The following DAB1 variants were observed in gnomAD, a reference collection of about 807,000 sequenced individuals.
DAB1 encodes DAB adaptor protein 1, also known as disabled homolog 1.
DAB1 carries 15 observed loss-of-function variants against 64.6 expected under a neutral mutation model. The observed-to-expected ratio is 0.23, with a 90% CI of 0.16 to 0.36. DAB1 has a LOEUF of 0.36. Ranked by LOEUF, DAB1 falls within the 10% of genes least tolerant of loss-of-function variation. The pLI, the probability that DAB1 is intolerant of heterozygous loss-of-function variation, is 1.00. For missense variants in DAB1, 596 were observed against 706.7 expected, an observed-to-expected ratio of 0.84 and a Z score of 1.78; for synonymous variants, 235 against 251.9, an observed-to-expected ratio of 0.93 and a Z score of 0.64.
intron 9 of DAB1, among the ~76,000 whole-genome samples, chr1:57,037,713 A>G (rs978711841): frequency 6.6e-6 from 1 of 152,210 alleles, no homozygotes; most frequent in Non-Finnish European, 1.5e-5. Flanking sequence ...AGTTTATGCT[A>G]TGCTCTTTAT....
chr1:58,522,240 G>C (rs1235677615), intron 2 of DAB1, among the ~76,000 whole-genome samples: 1 of 152,094 alleles, frequency 6.6e-6, no homozygotes, highest in Non-Finnish European at 1.5e-5. Context: ...GTGATGAGTT[G>C]ATCTGTGCAG....
intron 3 of DAB1, among the ~76,000 whole-genome samples, chr1:58,479,516 G>C (rs931264417): frequency 2.0e-5 from 3 of 152,168 alleles, no homozygotes; most frequent in Non-Finnish European, 4.4e-5. Flanking sequence ...TCACAGGCAG[G>C]GGGAGAGGTT....
In DAB1 at chr1:58,045,736, T is replaced by A. The variant is rs1003727679; in HGVS notation, n.387+104775A>T. Among the ~76,000 whole-genome samples the A allele has an allele frequency of 4.9e-4, 74 of 152,166 alleles. 1 individual carries two copies. The highest frequency in any genetic ancestry group is 1.3e-3 in the Admixed American group (20 of 15,276). On this transcript the variant is annotated intron_variant and non_coding_transcript_variant, in intron 5 of 20. Transcript: ENST00000485760. ...CCTTTCTTCCCTTGCATCTTTGTTT[T>A]CATCTCCATCCTTCTCTTGCCTCCT...
intron 4 of DAB1, among the ~76,000 whole-genome samples, chr1:57,134,836 T>C (rs981575056): frequency 6.6e-6 from 1 of 152,170 alleles, no homozygotes; most frequent in African/African-American, 2.4e-5. Flanking sequence ...TTTTCTGTCC[T>C]TGCTGTCTTC....
chr1:58,370,436 A>T (rs1240646287), intron 3 of DAB1, among the ~76,000 whole-genome samples: 3 of 151,148 alleles, frequency 2.0e-5, no homozygotes, highest in African/African-American at 7.3e-5. Flanking sequence ...GGCATTTTTT[A>T]AAATGGAATT....
In DAB1 at chr1:58,226,839, C is replaced by A. The variant is rs1193350144; in HGVS notation, n.310-76251G>T. Among the ~76,000 whole-genome samples the A allele has an allele frequency of 1.3e-5, 2 of 152,120 alleles. 1 individual carries two copies. Among genetic ancestry groups the A allele is most frequent in the Non-Finnish European group, 2.9e-5 (2 of 68,028 alleles). On this transcript the variant is annotated intron_variant and non_coding_transcript_variant, in intron 4 of 20. Transcript: ENST00000485760. ...TGGATTTGAACCCAGGCAATCTGACCCCACAGAACTTAACAGTGTCATCCT... is the reference window on the plus strand; with the variant it reads ...TGGATTTGAACCCAGGCAATCTGACACCACAGAACTTAACAGTGTCATCCT...
intron 6 of DAB1, among the ~76,000 whole-genome samples, chr1:57,698,266 T>A (rs1646868752): frequency 6.6e-6 from 1 of 151,424 alleles, no homozygotes; most frequent in African/African-American, 2.4e-5. Context: ...TTAAACATTT[T>A]TTTTTTTTTT....
intron 7 of DAB1, among the ~76,000 whole-genome samples, chr1:57,603,076 G>A (rs759585892): frequency 7.9e-5 from 12 of 152,142 alleles, no homozygotes; most frequent in Non-Finnish European, 1.3e-4. Context: ...GGGTTCAAGC[G>A]AGTCTCCTGC....
intron 7 of DAB1, among the ~76,000 whole-genome samples, chr1:57,561,085 C>T (rs1473252053): frequency 6.6e-6 from 1 of 152,190 alleles, no homozygotes; most frequent in African/African-American, 2.4e-5. Context: ...AAGTAAGTTA[C>T]ATGAGGAAGT....
intron 7 of DAB1, among the ~76,000 whole-genome samples, chr1:57,452,503 A>G (rs1045836470): frequency 2.0e-5 from 3 of 152,082 alleles, no homozygotes; most frequent in South Asian, 2.1e-4. Flanking sequence ...GCCCTAAGTC[A>G]CCCAGTTGGG....
At chr1:58,189,288 T>A (rs1365603086) in intron 4 of DAB1, among the ~76,000 whole-genome samples, 1 of 152,196 alleles carries the variant, frequency 6.6e-6, no homozygotes, top group Non-Finnish European at 1.5e-5. Context: ...AAAATAGCAG[T>A]CCAGATTTGT....
chr1:58,330,099 T>A (rs1342631557), intron 4 of DAB1, among the ~76,000 whole-genome samples: 1 of 152,188 alleles, frequency 6.6e-6, no homozygotes, highest in Non-Finnish European at 1.5e-5. Context: ...TACTTGTGAA[T>A]GCAAAGGAAA....
intron 4 of DAB1, among the ~76,000 whole-genome samples, chr1:57,092,340 T>C (rs1421388754): frequency 4.6e-5 from 7 of 152,124 alleles, no homozygotes; most frequent in Admixed American, 4.6e-4. Flanking sequence ...CATCTCCAAT[T>C]GTAATCCCCA....
At chr1:58,305,976 GCACCCCCC>G (rs1215945081) in intron 4 of DAB1, among the ~76,000 whole-genome samples, 1 of 151,930 alleles carries the variant, frequency 6.6e-6, no homozygotes, top group Admixed American at 6.6e-5. Flanking sequence ...TGTGACAGGA[GCACCCCCC>G]CACCCCCCTC....
At chr1:57,696,476 G>A (rs1375289959) in intron 6 of DAB1, among the ~76,000 whole-genome samples, 2 of 152,154 alleles carry the variant, frequency 1.3e-5, no homozygotes, top group Admixed American at 6.6e-5. Context: ...GGTTTGGGAC[G>A]ATCACTGAAT....
chr1:57,309,997 A>G (rs1012469746), intron 1 of DAB1, among the ~76,000 whole-genome samples: 2 of 152,198 alleles, frequency 1.3e-5, no homozygotes, highest in African/African-American at 4.8e-5. Flanking sequence ...CCGCCACTCC[A>G]AACACGTTTA....
At chr1:57,870,249 G>A (rs958225150) in intron 1 of DAB1, among the ~76,000 whole-genome samples, 4 of 152,122 alleles carry the variant, frequency 2.6e-5, no homozygotes, top group Non-Finnish European at 1.5e-5. Flanking sequence ...GTATGTCTAG[G>A]TATTTGCTGT....
chr1:57,755,516 C>T (rs1648764174), intron 6 of DAB1, among the ~76,000 whole-genome samples: 1 of 152,114 alleles, frequency 6.6e-6, no homozygotes, highest in Admixed American at 6.5e-5. Context: ...TTAAACTTTG[C>T]CACTTTTGTT....
chr1:57,984,429 G>A (rs973082882), intron 5 of DAB1, among the ~76,000 whole-genome samples: 1 of 152,068 alleles, frequency 6.6e-6, no homozygotes, highest in Non-Finnish European at 1.5e-5. Flanking sequence ...AGAGGAGGCA[G>A]GCACTCTAGG....
Sources: allele counts gnomAD v4.1 joint callset (sites outside exome capture counted in the v4.1 genomes callset), GRCh38; gene constraint gnomAD v4.1.1; transcripts MANE v1.5; gene names NCBI Gene and HGNC (gene_info 2026-07-23, HGNC 2026-07-21).